Variants in PHACTR3 observed in about 807,000 individuals in gnomAD.
PHACTR3 encodes protein phosphatase 1, regulatory subunit 123.
PHACTR3 carries 16 observed loss-of-function variants against 66.8 expected under a neutral mutation model. The observed-to-expected ratio is 0.24, with a 90% CI of 0.16 to 0.36. The LOEUF is 0.36. Among genes scored for constraint, PHACTR3 ranks in the 10% least tolerant of loss-of-function variants. PHACTR3 has a pLI of 1.00. For synonymous variants in PHACTR3, 323 were observed against 292.1 expected, an observed-to-expected ratio of 1.11 and a Z score of -1.08; for missense variants, 647 against 719.9, an observed-to-expected ratio of 0.90 and a Z score of 1.16.
At position 59,815,493 on chromosome 20, in the gene PHACTR3, C is replaced by T. The variant is rs377092893; in HGVS notation, c.1328+9299C>T. On this transcript the variant is annotated intron_variant, in intron 8 of 12. Coordinates refer to ENST00000371015, the MANE Select transcript of PHACTR3 (RefSeq NM_080672.5). ...AGGCTGGAGTGCAGTGGCGTGATCT[C>T]GGCTCACTGTAACCTCTGCCTTCTG... 1.0e-4 allele frequency among the ~76,000 whole-genome samples: 15 copies of T among 145,120 alleles called. No individual in the cohort carries two copies. In the East Asian group the frequency reaches 2.5e-3, roughly 24 times the overall value.
chr20:59,644,760 T>C (rs2035225917), intron 1 of PHACTR3, among the ~76,000 whole-genome samples: 1 of 152,198 alleles, frequency 6.6e-6, no homozygotes, highest in South Asian at 2.1e-4. Flanking sequence ...TGGTTCTCTG[T>C]CGCTTCTCCT....
chr20:59,577,653 G>C, intron 1 of PHACTR3: 1 of 1,185,780 alleles, frequency 8.4e-7, no homozygotes, highest in Non-Finnish European at 1.0e-6. Flanking sequence ...CGCGGGACGT[G>C]GGGCCCGGGG....
intron 1 of PHACTR3, chr20:59,628,670 G>A (rs1194938256): frequency 1.0e-6 from 1 of 985,278 alleles, no homozygotes; most frequent in Non-Finnish European, 1.2e-6. Flanking sequence ...CTCCTGGTTG[G>A]TCTCAAGACC....
chr20:59,797,111 C>G (rs1041734832), intron 7 of PHACTR3, among the ~76,000 whole-genome samples: 2 of 152,066 alleles, frequency 1.3e-5, no homozygotes, highest in Non-Finnish European at 2.9e-5. Context: ...TTGATCTAGT[C>G]TGTTGTTGAA....
intron 9 of PHACTR3, among the ~76,000 whole-genome samples, chr20:59,836,901 G>A (rs565855696): frequency 1.4e-4 from 21 of 152,266 alleles, no homozygotes; most frequent in African/African-American, 4.1e-4. Context: ...AGCATGAACC[G>A]CATGAACACA....
chr20:59,698,483 T>C (rs2037381097), intron 1 of PHACTR3, among the ~76,000 whole-genome samples: 1 of 152,194 alleles, frequency 6.6e-6, no homozygotes, highest in Non-Finnish European at 1.5e-5. Context: ...TATATTATAA[T>C]AGTTATACAT....
chr20:59,661,154 G>T (rs1473205583), intron 1 of PHACTR3, among the ~76,000 whole-genome samples: 2 of 152,216 alleles, frequency 1.3e-5, no homozygotes, highest in East Asian at 3.8e-4. Context: ...GGCATGATTA[G>T]CAGAAGGGCA....
At chr20:59,831,344 G>A (rs559393207) in intron 8 of PHACTR3, among the ~76,000 whole-genome samples, 158 of 152,274 alleles carry the variant, frequency 1.0e-3, no homozygotes, top group South Asian at 1.2e-3. Context: ...CCCACCTCTC[G>A]TGTGTGCACA....
At chr20:59,635,146 TCTTTTTCTTTCTTTCTTTCTTTC>T (rs1568948837) in intron 1 of PHACTR3, among the ~76,000 whole-genome samples, 3 of 52,602 alleles carry the variant, frequency 5.7e-5, no homozygotes, top group African/African-American at 1.4e-4. Flanking sequence ...TTTCTTTCTT[TCTTTTTCTTTCTTTCTTTCTTTC>T]CTTTCTTTCT....
chr20:59,778,476 G>T (rs541957962), intron 7 of PHACTR3, among the ~76,000 whole-genome samples: 1 of 152,258 alleles, frequency 6.6e-6, no homozygotes, highest in African/African-American at 2.4e-5. Flanking sequence ...TTAAAACATC[G>T]CTCAGTGCAG....
At chr20:59,671,003 G>A (rs1208647073) in intron 1 of PHACTR3, among the ~76,000 whole-genome samples, 1 of 152,180 alleles carries the variant, frequency 6.6e-6, no homozygotes, top group Non-Finnish European at 1.5e-5. Context: ...TGCTTTCTCA[G>A]CAACCTTGTG....
At position 59,771,602 on chromosome 20, in the gene PHACTR3, C is replaced by G. The variant is rs565472743; in HGVS notation, c.752-1677C>G. 2.6e-5 allele frequency among the ~76,000 whole-genome samples: 4 copies of G among 152,108 alleles called. No individual in the cohort carries two copies. In the South Asian group the frequency reaches 8.3e-4, roughly 32 times the overall value. On this transcript the variant is annotated intron_variant, in intron 5 of 12. Coordinates refer to ENST00000371015, the MANE Select transcript of PHACTR3 (RefSeq NM_080672.5). Reference sequence around the variant, plus strand: ...CTCTCGCCCCCCTCCCTCCACCACTCTCTCTCCCAGCCCTTTTCTCTCCCT... The same window carrying G: ...CTCTCGCCCCCCTCCCTCCACCACTGTCTCTCCCAGCCCTTTTCTCTCCCT...
chr20:59,698,109 G>C (rs1358923446), intron 1 of PHACTR3, among the ~76,000 whole-genome samples: 1 of 152,150 alleles, frequency 6.6e-6, no homozygotes, highest in Non-Finnish European at 1.5e-5. Context: ...CCATTAACAG[G>C]GGACTGAATA....
At chr20:59,661,571 G>T (rs371491321) in intron 1 of PHACTR3, among the ~76,000 whole-genome samples, 22 of 152,132 alleles carry the variant, frequency 1.4e-4, no homozygotes, top group Non-Finnish European at 2.4e-4. Context: ...TTAGGACTTG[G>T]TTCTTCAGCC....
rs142759055 is a variant in PHACTR3 at position 59,757,457 on chromosome 20, G to C, written c.541+2093G>C. Among the ~76,000 whole-genome samples, 102 of 152,356 alleles carry C rather than the reference G, an allele frequency of 6.7e-4. 1 individual carries two copies. The East Asian group carries it at 0.016, about 24-fold the overall frequency. On this transcript the variant is annotated intron_variant, in intron 4 of 12. Transcript: ENST00000371015. ...TCAGCTGGGCAGAGAGCGAGGTGCA[G>C]AGCATCCCAGAAAGGGGAATGACAT...
At chr20:59,672,555 T>C (rs2036230259) in intron 1 of PHACTR3, among the ~76,000 whole-genome samples, 1 of 152,202 alleles carries the variant, frequency 6.6e-6, no homozygotes, top group South Asian at 2.1e-4. Flanking sequence ...CTCAGTTTCC[T>C]CATCTGGGCA....
intron 8 of PHACTR3, among the ~76,000 whole-genome samples, chr20:59,824,294 A>G (rs2042125658): frequency 6.6e-6 from 1 of 152,212 alleles, no homozygotes; most frequent in Non-Finnish European, 1.5e-5. Context: ...GTTGGCAGAA[A>G]GCTCATGAGC....
upstream of PHACTR3, among the ~76,000 whole-genome samples, chr20:59,602,290 G>A (rs2426802): frequency 0.24 from 36,725 of 151,846 alleles, 5,657 homozygotes; most frequent in Non-Finnish European, 0.36. Flanking sequence ...ATGTCGGCCC[G>A]GTGTGGAGGT....
intron 1 of PHACTR3, among the ~76,000 whole-genome samples, chr20:59,624,753 A>G (rs2146374862): frequency 6.8e-6 from 1 of 146,080 alleles, no homozygotes; most frequent in Non-Finnish European, 1.6e-5. Flanking sequence ...AAGAAGACTT[A>G]AAAAAAAACT....
Sources: allele counts gnomAD v4.1 joint callset (sites outside exome capture counted in the v4.1 genomes callset), GRCh38; gene constraint gnomAD v4.1.1; transcripts MANE v1.5; gene names NCBI Gene and HGNC (gene_info 2026-07-23, HGNC 2026-07-21).